Variants in ADAMTSL1 observed in about 807,000 individuals in gnomAD.
ADAMTSL1 encodes ADAMTS-like protein 1.
Under a neutral mutation model 201.8 loss-of-function variants are expected in ADAMTSL1, and 126 were observed. The ratio of observed to expected loss-of-function variants is 0.62; its 90% CI spans 0.54 to 0.72. ADAMTSL1 has a LOEUF of 0.72. ADAMTSL1 is among the 30% of genes least tolerant of loss of function. ADAMTSL1 has a pLI of 0.00. For missense variants in ADAMTSL1, 2,679 were observed against 2,277.8 expected (o/e 1.18, Z -3.59); for synonymous variants, 1,121 against 903.4 (o/e 1.24, Z -4.32).
At chr9:18,839,336 A>G (rs1825562360) in intron 23 of ADAMTSL1, among the ~76,000 whole-genome samples, 1 of 151,908 alleles carries the variant, frequency 6.6e-6, no homozygotes, top group Non-Finnish European at 1.5e-5. Flanking sequence ...TTCCAATTTC[A>G]TGCATGTCCC....
chr9:18,645,657 A>C (rs2132856879), intron 7 of ADAMTSL1, among the ~76,000 whole-genome samples: 1 of 151,228 alleles, frequency 6.6e-6, no homozygotes, highest in African/African-American at 2.4e-5. Context: ...TCCTTTCCCC[A>C]TTGCTTGTTT....
At chr9:18,036,944 G>A (rs1331166534) in intron 1 of ADAMTSL1, among the ~76,000 whole-genome samples, 1 of 152,130 alleles carries the variant, frequency 6.6e-6, no homozygotes, top group African/African-American at 2.4e-5. Context: ...ATTATTGGAT[G>A]TGCATCTAAC....
chr9:18,183,191 A>T (rs890614416), intron 2 of ADAMTSL1, among the ~76,000 whole-genome samples: 1 of 152,312 alleles, frequency 6.6e-6, no homozygotes, highest in Non-Finnish European at 1.5e-5. Context: ...CAAAAAATTA[A>T]ATCTGGGCAT....
rs562200888 is a variant in ADAMTSL1, at chr9:18,103,293, C to G, written c.88-60569C>G. Among the ~76,000 whole-genome samples the G allele has an allele frequency of 1.3e-3, 191 of 152,136 alleles. 1 individual carries two copies. Among genetic ancestry groups the G allele is most frequent in the African/African-American group, 4.5e-3 (185 of 41,504 alleles). ...CTAGGCCAGCTGATGAGTTTAGGGA[C>G]AATTTGTAGCAAAACATAGGACTTT... On this transcript the variant is annotated intron_variant, in intron 1 of 29. Coordinates refer to the ADAMTSL1 transcript ENST00000680146.
intron 1 of ADAMTSL1, among the ~76,000 whole-genome samples, chr9:18,066,264 C>T (rs912786512): frequency 4.6e-5 from 7 of 152,062 alleles, no homozygotes; most frequent in Non-Finnish European, 8.8e-5. Flanking sequence ...GAAACTGAAG[C>T]ACCAATAATA....
chr9:18,547,798 CATTATGG>C, intron 3 of ADAMTSL1, among the ~76,000 whole-genome samples: 1 of 151,944 alleles, frequency 6.6e-6, no homozygotes, highest in African/African-American at 2.4e-5. Context: ...GCAATTTCTT[CATTATGG>C]ATTAAAACCC....
At chr9:17,964,604 G>A (rs1211003302) in intron 1 of ADAMTSL1, among the ~76,000 whole-genome samples, 2 of 152,116 alleles carry the variant, frequency 1.3e-5, no homozygotes, top group African/African-American at 4.8e-5. Context: ...ATGAGTGTCA[G>A]TAAAACTGTG....
chr9:18,000,376 C>G (rs1274874928), intron 1 of ADAMTSL1, among the ~76,000 whole-genome samples: 1 of 151,918 alleles, frequency 6.6e-6, no homozygotes, highest in East Asian at 1.9e-4. Context: ...ATTTTCTTCT[C>G]TAATAAAAAC....
At chr9:18,294,729 A>T (rs923350541) in intron 2 of ADAMTSL1, among the ~76,000 whole-genome samples, 1 of 152,118 alleles carries the variant, frequency 6.6e-6, no homozygotes, top group Non-Finnish European at 1.5e-5. Context: ...CATACCCCCA[A>T]GTTCTTCATT....
At chr9:18,197,273 A>G (rs1222876999) in intron 2 of ADAMTSL1, among the ~76,000 whole-genome samples, 1 of 152,078 alleles carries the variant, frequency 6.6e-6, no homozygotes, top group South Asian at 2.1e-4. Flanking sequence ...CTTGGGCAGT[A>G]TGGCCATTTT....
chr9:18,722,191 C>A (rs947068328), intron 15 of ADAMTSL1, among the ~76,000 whole-genome samples: 2 of 152,138 alleles, frequency 1.3e-5, no homozygotes, highest in African/African-American at 4.8e-5. Context: ...TTTCATTGTT[C>A]AGCCCTGCCT....
intron 4 of ADAMTSL1, among the ~76,000 whole-genome samples, chr9:18,601,226 G>T (rs190192393): frequency 0.012 from 1,757 of 152,228 alleles, 12 homozygotes; most frequent in Non-Finnish European, 0.018. Flanking sequence ...AATTTAGTCT[G>T]CTCAACCTAA....
intron 1 of ADAMTSL1, among the ~76,000 whole-genome samples, chr9:18,105,823 T>C (rs1824733226): frequency 6.6e-6 from 1 of 152,186 alleles, no homozygotes; most frequent in Non-Finnish European, 1.5e-5. Flanking sequence ...ACTGACAAAT[T>C]ACTCAAGTAA....
intron 5 of ADAMTSL1, among the ~76,000 whole-genome samples, chr9:18,624,454 C>T (rs117758252): frequency 1.5e-3 from 222 of 152,266 alleles, no homozygotes; most frequent in Non-Finnish European, 2.7e-3. Flanking sequence ...GAATTAAAAT[C>T]CTCTAATTAT....
intron 2 of ADAMTSL1, among the ~76,000 whole-genome samples, chr9:18,271,495 G>A (rs1057298092): frequency 2.0e-5 from 3 of 152,124 alleles, no homozygotes; most frequent in Admixed American, 1.3e-4. Flanking sequence ...TCCCTACAAA[G>A]GACATGAACT....
At chr9:18,365,941 A>G (rs914577215) in intron 2 of ADAMTSL1, among the ~76,000 whole-genome samples, 1 of 152,142 alleles carries the variant, frequency 6.6e-6, no homozygotes, top group Non-Finnish European at 1.5e-5. Flanking sequence ...ATGAGAATCT[A>G]ATGCCTGATG....
chr9:18,272,778 A>T (rs1832431985), intron 2 of ADAMTSL1, among the ~76,000 whole-genome samples: 1 of 152,100 alleles, frequency 6.6e-6, no homozygotes, highest in Admixed American at 6.6e-5. Context: ...CCCTCTCTTA[A>T]CCATTTTTTC....
At chr9:18,743,575 T>G (rs1453738661) in intron 15 of ADAMTSL1, among the ~76,000 whole-genome samples, 2 of 152,148 alleles carry the variant, frequency 1.3e-5, no homozygotes, top group Non-Finnish European at 2.9e-5. Context: ...CCACTTCAGG[T>G]GTTTGATAAT....
At chr9:18,182,845 T>C (rs1828561945) in intron 2 of ADAMTSL1, among the ~76,000 whole-genome samples, 1 of 152,138 alleles carries the variant, frequency 6.6e-6, no homozygotes, top group Non-Finnish European at 1.5e-5. Context: ...CAGTCCATAG[T>C]CCTGATTGCT....
Sources: allele counts gnomAD v4.1 joint callset (sites outside exome capture counted in the v4.1 genomes callset), GRCh38; gene constraint gnomAD v4.1.1; transcripts MANE v1.5; gene names NCBI Gene and HGNC (gene_info 2026-07-23, HGNC 2026-07-21).